The following DCC variants were observed in gnomAD, a reference collection of about 807,000 sequenced individuals.
The protein encoded by DCC is netrin receptor DCC.
In DCC, 58 loss-of-function variants were observed where a neutral mutation model predicts 172.5. The ratio of observed to expected loss-of-function variants is 0.34; its 90% CI spans 0.27 to 0.42. The LOEUF is 0.42. Among genes scored for constraint, DCC ranks in the 10% least tolerant of loss-of-function variants. The pLI, the probability that DCC is intolerant of heterozygous loss-of-function variation, is 1.00. For synonymous variants in DCC, 709 were observed against 644.5 expected (o/e 1.10, Z -1.52); for missense variants, 1,740 against 1,791.0 (o/e 0.97, Z 0.51).
chr18:53,285,965 A>G (rs1249074320), intron 12 of DCC, among the ~76,000 whole-genome samples: 3 of 152,176 alleles, frequency 2.0e-5, no homozygotes, highest in African/African-American at 7.2e-5. Context: ...AATTGCTCCC[A>G]TTTGGAATGG....
At chr18:52,456,490 T>C (rs1170376404) in intron 1 of DCC, among the ~76,000 whole-genome samples, 3 of 152,214 alleles carry the variant, frequency 2.0e-5, no homozygotes, top group Non-Finnish European at 4.4e-5. Flanking sequence ...ATGATAACTT[T>C]GTTAGTGTAC....
chr18:52,747,389 C>A (rs1241186298), intron 1 of DCC, among the ~76,000 whole-genome samples: 3 of 152,208 alleles, frequency 2.0e-5, no homozygotes, highest in Non-Finnish European at 4.4e-5. Flanking sequence ...AAATAAACTT[C>A]TCCATTAGGT....
rs574019202 is a variant in DCC, at chr18:53,203,465, T to C, written c.1574-1751T>C. 2.6e-5 allele frequency among the ~76,000 whole-genome samples: 4 copies of C among 152,238 alleles called. No individual in the cohort carries two copies. The East Asian group carries it at 7.7e-4, about 29-fold the overall frequency. On this transcript the variant is annotated intron_variant, in intron 9 of 28. Transcript: ENST00000442544. The stretch of plus-strand genomic sequence containing the variant: ...AATACAGTGTTAAGAACAAGGAATC[T>C]CAAGGTTCCAGGACTGATGGGAAAT...
In DCC at chr18:52,848,523, T is replaced by C. The variant is rs570181483; in HGVS notation, c.413-57521T>C. 5.9e-5 allele frequency among the ~76,000 whole-genome samples: 9 copies of C among 152,306 alleles called. No homozygotes were observed. In the South Asian group the frequency reaches 1.9e-3, roughly 32 times the overall value. On this transcript the variant is annotated intron_variant, in intron 2 of 28. Coordinates refer to ENST00000442544, the MANE Select transcript of DCC (RefSeq NM_005215.4). The stretch of plus-strand genomic sequence containing the variant: ...TTTGGAATCATATCAAACTTTCGTA[T>C]TTTTTTCCCATAGAATTATTTGGAT...
At chr18:53,206,831 A>G (rs560242846) in intron 10 of DCC, among the ~76,000 whole-genome samples, 29 of 151,628 alleles carry the variant, frequency 1.9e-4, no homozygotes, top group African/African-American at 6.8e-4. Context: ...AAGCATAGAA[A>G]GGCCTTCCTG....
intron 2 of DCC, among the ~76,000 whole-genome samples, chr18:52,845,390 C>G (rs761863994): frequency 6.6e-6 from 1 of 152,144 alleles, no homozygotes; most frequent in Non-Finnish European, 1.5e-5. Context: ...CAGCAATTCT[C>G]GATCAAAGAG....
At chr18:53,040,979 T>C (rs2143996916) in intron 5 of DCC, among the ~76,000 whole-genome samples, 1 of 152,134 alleles carries the variant, frequency 6.6e-6, no homozygotes, top group Admixed American at 6.6e-5. Flanking sequence ...TTCCATTGTG[T>C]AGGTTGCCTG....
chr18:52,860,268 G>A lies in DCC; in HGVS notation c.413-45776G>A, dbSNP rs563720979. Reference sequence around the variant, plus strand: ...TTATAAGTAGTTCATACATCAGCTGGCACAAAAGCTGCTTATATATAAGTT... The same window carrying A: ...TTATAAGTAGTTCATACATCAGCTGACACAAAAGCTGCTTATATATAAGTT... On this transcript the variant is annotated intron_variant, in intron 2 of 28. Transcript: ENST00000442544. Among the ~76,000 whole-genome samples, 68 of 152,298 alleles carry A rather than the reference G, an allele frequency of 4.5e-4. No homozygotes were observed. The Middle Eastern group carries it at 0.014, about 30-fold the overall frequency.
intron 1 of DCC, among the ~76,000 whole-genome samples, chr18:52,399,530 A>G (rs2144370703): frequency 6.6e-6 from 1 of 152,026 alleles, no homozygotes; most frequent in Middle Eastern, 3.4e-3. Flanking sequence ...TTTATGATCC[A>G]GTGTTGCTGA....
intron 21 of DCC, among the ~76,000 whole-genome samples, chr18:53,429,081 T>TTATATATAATATATTATATATTTTA (rs1568127167): frequency 3.4e-5 from 3 of 86,984 alleles, no homozygotes; most frequent in African/African-American, 1.1e-4. Flanking sequence ...AATATATATT[T>TTATATATAATATATTATATATTTTA]TATATAATAT....
chr18:52,431,027 T>C (rs1037993381), intron 1 of DCC, among the ~76,000 whole-genome samples: 4 of 152,166 alleles, frequency 2.6e-5, no homozygotes, highest in Middle Eastern at 3.2e-3. Flanking sequence ...CATCAAAAGA[T>C]GGACACATAT....
chr18:53,099,943 CTT>C (rs533618559), intron 7 of DCC, among the ~76,000 whole-genome samples: 4 of 92,740 alleles, frequency 4.3e-5, no homozygotes, highest in Non-Finnish European at 3.8e-5. Flanking sequence ...TTCTTTCTTT[CTT>C]TTTTTTTTTT....
chr18:52,415,151 T>A (rs1467313262), intron 1 of DCC, among the ~76,000 whole-genome samples: 1 of 152,204 alleles, frequency 6.6e-6, no homozygotes, highest in Non-Finnish European at 1.5e-5. Context: ...TGTGAACATG[T>A]CAGGTTGTTT....
chr18:53,118,139 ATG>A lies in DCC; in HGVS notation c.1262-39211_1262-39210del, dbSNP rs551246706. Among the ~76,000 whole-genome samples, 457 of 151,862 alleles carry A rather than the reference ATG, an allele frequency of 3.0e-3. 1 individual carries two copies. Among genetic ancestry groups the A allele is most frequent in the Non-Finnish European group, 4.7e-3 (322 of 67,816 alleles). ...ATCAGAAATGTAGTAGAACCATATTATGTGTGTTATTTTTTATCAAACAAAAG... is the reference window on the plus strand; with the variant it reads ...ATCAGAAATGTAGTAGAACCATATTATGTGTTATTTTTTATCAAACAAAAG... On this transcript the variant is annotated intron_variant, in intron 7 of 28. Transcript: ENST00000442544.
At chr18:52,704,440 T>C (rs1244182231) in intron 1 of DCC, among the ~76,000 whole-genome samples, 1 of 152,196 alleles carries the variant, frequency 6.6e-6, no homozygotes, top group African/African-American at 2.4e-5. Context: ...CACATGGTAA[T>C]TTTTTAAAGA....
chr18:52,706,980 T>C (rs900652352), intron 1 of DCC, among the ~76,000 whole-genome samples: 6 of 152,076 alleles, frequency 3.9e-5, no homozygotes, highest in African/African-American at 1.2e-4. Flanking sequence ...AGAGAAATGA[T>C]GCAGAGGGAT....
At chr18:52,836,989 T>C (rs2038718552) in intron 2 of DCC, among the ~76,000 whole-genome samples, 1 of 152,210 alleles carries the variant, frequency 6.6e-6, no homozygotes, top group Non-Finnish European at 1.5e-5. Flanking sequence ...TTGACTTCTA[T>C]GCACCCACTG....
At position 53,077,445 on chromosome 18, in the gene DCC, A is replaced by G. The variant is rs544592576; in HGVS notation, c.1261+11279A>G. Reference sequence around the variant, plus strand: ...AGGGGAAGGTAGTTGTACAATAGTGATTGAAAACATGGAGGTCTGGGCCCC... The same window carrying G: ...AGGGGAAGGTAGTTGTACAATAGTGGTTGAAAACATGGAGGTCTGGGCCCC... On this transcript the variant is annotated intron_variant, in intron 7 of 28. Coordinates refer to ENST00000442544, the MANE Select transcript of DCC (RefSeq NM_005215.4). Among the ~76,000 whole-genome samples the G allele has an allele frequency of 2.0e-5, 3 of 152,230 alleles. No individual in the cohort carries two copies. In the East Asian group the frequency reaches 5.8e-4, roughly 29 times the overall value.
At chr18:52,987,427 A>C (rs1329764900) in intron 5 of DCC, among the ~76,000 whole-genome samples, 1 of 152,178 alleles carries the variant, frequency 6.6e-6, no homozygotes, top group East Asian at 1.9e-4. Flanking sequence ...TTTTTTTTAC[A>C]ACGTAAGACC....
Sources: allele counts gnomAD v4.1 joint callset (sites outside exome capture counted in the v4.1 genomes callset), GRCh38; gene constraint gnomAD v4.1.1; transcripts MANE v1.5; gene names NCBI Gene and HGNC (gene_info 2026-07-23, HGNC 2026-07-21).